The following TSHZ2 variants were observed in gnomAD, a reference collection of about 807,000 sequenced individuals.
TSHZ2 encodes teashirt homolog 2.
Under a neutral mutation model 74.4 loss-of-function variants are expected in TSHZ2, and 21 were observed. The ratio of observed to expected loss-of-function variants is 0.28; its 90% CI spans 0.20 to 0.41. The LOEUF is 0.41. TSHZ2 is among the 10% of genes least tolerant of loss of function. The probability of loss-of-function intolerance (pLI) is 1.00; values close to 1 mark genes in which losing one functional copy is unlikely to be tolerated. For synonymous variants in TSHZ2, 540 were observed against 515.3 expected, an observed-to-expected ratio of 1.05 and a Z score of -0.65; for missense variants, 1,244 against 1,293.5, an observed-to-expected ratio of 0.96 and a Z score of 0.59.
intron 2 of TSHZ2, among the ~76,000 whole-genome samples, chr20:53,393,682 A>G (rs188872400): frequency 6.6e-6 from 1 of 151,938 alleles, no homozygotes; most frequent in African/African-American, 2.4e-5. Flanking sequence ...ACACACACAC[A>G]CACACACACA....
In TSHZ2 at chr20:53,254,425, C is replaced by T. The variant is rs368152415; in HGVS notation, c.967C>T (p.Arg323Cys). The T allele has an allele frequency of 1.2e-5, 20 of 1,613,086 alleles. No homozygotes were observed. Among genetic ancestry groups the T allele is most frequent in the East Asian group, 4.5e-5 (2 of 44,854 alleles). Residue 323 changes from arginine to cysteine, a missense_variant, in exon 2 of 3, where the codon CGC becomes TGC. Arg to Cys is a radical substitution (Grantham distance 180). This residue lies in a region of TSHZ2 where 470 missense variants were observed against 456.5 expected (regional missense o/e 1.03). Coordinates refer to ENST00000371497, the MANE Select transcript of TSHZ2 (RefSeq NM_173485.6). ...SSKMVTPAKK[R>C]VFDVNRPCSP... ...GAAAATGGTCACCCCGGCTAAGAAACGCGTTTTTGATGTCAATCGGCCGTG... is the reference window on the plus strand; with the variant it reads ...GAAAATGGTCACCCCGGCTAAGAAATGCGTTTTTGATGTCAATCGGCCGTG...
rs1214909314 is a variant in TSHZ2, at chr20:53,255,746, A to G, written c.2288A>G (p.Gln763Arg). The G allele has an allele frequency of 6.2e-7, 1 of 1,613,734 alleles. No homozygotes were observed. The change falls in exon 2 of 3, where the codon CAG becomes CGG. Residue 763 changes from glutamine to arginine, a missense_variant. Gln to Arg is a conservative substitution (Grantham distance 43). Coordinates refer to ENST00000371497, the MANE Select transcript of TSHZ2 (RefSeq NM_173485.6). The surrounding 1 kb of genome is among the most constrained non-coding windows in gnomAD (Gnocchi z 4.1). ...CGCTACCTGTTTGAGAACAGCGATC[A>G]GCCCATTGACCTGACCAAGTCCAAA... Reference protein sequence around the residue: ...SRRYLFENSDQPIDLTKSKSK... With the variant: ...SRRYLFENSDRPIDLTKSKSK...
chr20:53,390,267 G>T (rs1055797465), intron 2 of TSHZ2, among the ~76,000 whole-genome samples: 1 of 152,190 alleles, frequency 6.6e-6, no homozygotes, highest in African/African-American at 2.4e-5. Context: ...TTTGGAAGCC[G>T]TGAGATTTAT....
At chr20:53,227,694 C>T (rs1199765288) in intron 1 of TSHZ2, among the ~76,000 whole-genome samples, 1 of 152,154 alleles carries the variant, frequency 6.6e-6, no homozygotes, top group Admixed American at 6.5e-5. Flanking sequence ...TTGCAATCTA[C>T]AGTTTCCCTG....
intron 2 of TSHZ2, among the ~76,000 whole-genome samples, chr20:53,484,488 C>T (rs150572591): frequency 0.019 from 2,887 of 151,026 alleles, 94 homozygotes; most frequent in African/African-American, 0.067. Flanking sequence ...CAGGTTCAAG[C>T]GATTCTCATG....
chr20:53,376,732 T>C (rs1981670459), intron 2 of TSHZ2, among the ~76,000 whole-genome samples: 1 of 152,222 alleles, frequency 6.6e-6, no homozygotes, highest in African/African-American at 2.4e-5. Flanking sequence ...TGCACACTCA[T>C]GTGCATAGCC....
At chr20:53,199,597 C>T (rs1568808234) in intron 1 of TSHZ2, among the ~76,000 whole-genome samples, 1 of 152,366 alleles carries the variant, frequency 6.6e-6, no homozygotes, top group East Asian at 1.9e-4. Flanking sequence ...CATCCCAACA[C>T]ATCAAGTCTC....
At chr20:53,232,360 G>C in intron 1 of TSHZ2, among the ~76,000 whole-genome samples, 1 of 152,128 alleles carries the variant, frequency 6.6e-6, no homozygotes, top group Non-Finnish European at 1.5e-5. Context: ...CTACCATCTT[G>C]CAGGCTCTGA....
At chr20:53,086,014 C>G (rs1033936503) in intron 1 of TSHZ2, among the ~76,000 whole-genome samples, 5 of 152,182 alleles carry the variant, frequency 3.3e-5, no homozygotes, top group Middle Eastern at 6.3e-3. Context: ...GTTCCTCATC[C>G]TGACTTCTCC....
intron 1 of TSHZ2, among the ~76,000 whole-genome samples, chr20:52,997,215 G>C (rs547051498): frequency 6.6e-6 from 1 of 151,870 alleles, no homozygotes; most frequent in East Asian, 1.9e-4. Flanking sequence ...AGGAGAACTC[G>C]CCTCCCAGCT....
intron 1 of TSHZ2, among the ~76,000 whole-genome samples, chr20:53,150,928 T>G (rs1987662856): frequency 6.6e-6 from 1 of 152,206 alleles, no homozygotes; most frequent in Non-Finnish European, 1.5e-5. Context: ...TGACTGCCTT[T>G]CCACAAAGCC....
intron 2 of TSHZ2, among the ~76,000 whole-genome samples, chr20:53,294,464 C>T (rs7272086): frequency 1.3e-5 from 2 of 151,498 alleles, no homozygotes; most frequent in African/African-American, 2.4e-5. Context: ...TGGAAGTCCA[C>T]AAGCTTATAA....
intron 1 of TSHZ2, among the ~76,000 whole-genome samples, chr20:53,054,492 C>CA (rs902430932): frequency 2.0e-5 from 3 of 152,138 alleles, no homozygotes; most frequent in African/African-American, 4.8e-5. Flanking sequence ...TGAACAAAAG[C>CA]AAATCCGCAG....
intron 2 of TSHZ2, among the ~76,000 whole-genome samples, chr20:53,425,173 TC>T (rs1297260266): frequency 2.0e-5 from 3 of 152,306 alleles, no homozygotes; most frequent in East Asian, 3.9e-4. Context: ...CCTCTTTCTA[TC>T]CCTGCATGTG....
intron 1 of TSHZ2, among the ~76,000 whole-genome samples, chr20:53,133,523 C>T (rs971611473): frequency 6.6e-6 from 1 of 152,186 alleles, no homozygotes; most frequent in East Asian, 1.9e-4. Context: ...AATCAAACCG[C>T]CAGAAAGTGA....
At chr20:53,239,429 TAG>T (rs1445818484) in intron 1 of TSHZ2, among the ~76,000 whole-genome samples, 4 of 152,170 alleles carry the variant, frequency 2.6e-5, no homozygotes, top group African/African-American at 4.8e-5. Flanking sequence ...AGAACATTTA[TAG>T]AGTCTTTACT....
intron 2 of TSHZ2, among the ~76,000 whole-genome samples, chr20:53,486,110 G>C (rs1033340075): frequency 6.6e-6 from 1 of 152,054 alleles, no homozygotes; most frequent in African/African-American, 2.4e-5. Context: ...CTATGAGTTT[G>C]ACTACCTCTA....
Position 53,426,627 on chromosome 20 carries a change from T to TAAAACC in TSHZ2, c.*9-60517_*9-60516insAAAACC, listed in dbSNP as rs1600630418. Reference sequence around the variant, plus strand: ...GATGATTTTTATTTTAGCGGAAGTTTCAGCGCGTTTTCTGCCCAGCCTGGG... The same window carrying TAAAACC: ...GATGATTTTTATTTTAGCGGAAGTTTAAAACCCAGCGCGTTTTCTGCCCAGCCTGGG... On this transcript the variant is annotated intron_variant, in intron 2 of 2. Transcript: ENST00000371497. Among the ~76,000 whole-genome samples, 5 of 152,336 alleles carry TAAAACC rather than the reference T, an allele frequency of 3.3e-5. No individual in the cohort carries two copies. In the East Asian group the frequency reaches 9.6e-4, roughly 29 times the overall value.
Position 53,489,366 on chromosome 20 carries a change from A to T in TSHZ2, c.*2231A>T. On this transcript the variant is annotated 3_prime_UTR_variant, in exon 3 of 3. Coordinates refer to ENST00000371497, the MANE Select transcript of TSHZ2 (RefSeq NM_173485.6). ...AAGATTGAAGGGTGGACTGGACTCT[A>T]CTGAGCACCGTCCTTCAACAAGGAA... 2.8e-6 allele frequency: 1 copy of T among 354,756 alleles called. No individual in the cohort carries two copies. Among genetic ancestry groups the T allele is most frequent in the South Asian group, 2.2e-5 (1 of 46,464 alleles). 22.0% of individuals were successfully genotyped at this position (354,756 alleles called of 1,614,324 possible). A position where few individuals can be genotyped will look rare whatever the true frequency, so the allele number is the denominator to read the frequency against.
Sources: gnomAD v4.1 joint callset for allele counts (sites outside exome capture counted in the v4.1 genomes callset) on GRCh38, gnomAD v4.1.1 for gene constraint, gnomAD v4.1.1 regional missense constraint, Gnocchi (gnomAD v3.1) non-coding constraint, MANE v1.5 for transcripts, NCBI Gene and HGNC (gene_info 2026-07-23, HGNC 2026-07-21) for gene names.